Variants in RAB27A observed in about 807,000 individuals in gnomAD.
RAB27A encodes RAB27A, member RAS oncogene family, also known as ras-related protein Rab-27A.
In RAB27A, 17 loss-of-function variants were observed where a neutral mutation model predicts 20.8. The observed-to-expected ratio is 0.82, with a 90% confidence interval of 0.56 to 1.23. The LOEUF (loss-of-function observed/expected upper bound fraction) is 1.23, where lower values mean the gene tolerates loss of function less well. RAB27A is among the 50% of genes most tolerant of loss of function. The pLI is 0.00. For synonymous variants in RAB27A, 85 were observed against 92.8 expected, an observed-to-expected ratio of 0.92 and a Z score of 0.48; for missense variants, 277 against 266.7, an observed-to-expected ratio of 1.04 and a Z score of -0.27.
At chr15:55,274,836 A>G (rs1897817722) in intron 1 of RAB27A, among the ~76,000 whole-genome samples, 1 of 141,670 alleles carries the variant, frequency 7.1e-6, no homozygotes. Context: ...GTATAGAGAG[A>G]GACAGACAAA....
chr15:55,302,499 G>T (rs530732135), intron 2 of RAB27A, among the ~76,000 whole-genome samples: 6 of 151,354 alleles, frequency 4.0e-5, no homozygotes, highest in South Asian at 4.2e-4. Context: ...CCGCCACCCC[G>T]TCTGGGAAGT....
intron 6 of RAB27A, among the ~76,000 whole-genome samples, chr15:55,206,955 T>C (rs1894682191): frequency 6.6e-6 from 1 of 152,120 alleles, no homozygotes; most frequent in Admixed American, 6.5e-5. Context: ...GAAAAAATAA[T>C]TCCTCAAATG....
chr15:55,313,756 G>C (rs1488381891), intron 2 of RAB27A, among the ~76,000 whole-genome samples: 1 of 151,972 alleles, frequency 6.6e-6, no homozygotes, highest in Admixed American at 6.6e-5. Context: ...GGCGGATCAC[G>C]AGGTCAGGAG....
chr15:55,285,221 C>T lies in RAB27A; in HGVS notation c.-143+4495G>A, dbSNP rs537166661. ...CCATCCCCACATTAGAATCAAAACTCTCACTCCACACACGGGAGGTTGGCT... is the reference window on the plus strand; with the variant it reads ...CCATCCCCACATTAGAATCAAAACTTTCACTCCACACACGGGAGGTTGGCT... On this transcript the variant is annotated intron_variant, in intron 1 of 6. Coordinates refer to ENST00000336787, the MANE Select transcript of RAB27A (RefSeq NM_183235.3). Among the ~76,000 whole-genome samples, 68 of 151,696 alleles carry T rather than the reference C, an allele frequency of 4.5e-4. No homozygotes were observed. In the South Asian group the frequency reaches 0.014, roughly 30 times the overall value.
At chr15:55,210,222 T>C (rs1423617980) in intron 6 of RAB27A, among the ~76,000 whole-genome samples, 2 of 150,430 alleles carry the variant, frequency 1.3e-5, no homozygotes, top group African/African-American at 2.4e-5. Flanking sequence ...TATGTGTATG[T>C]ATATATACAC....
intron 6 of RAB27A, among the ~76,000 whole-genome samples, chr15:55,208,552 G>C (rs1317082126): frequency 6.6e-6 from 1 of 152,128 alleles, no homozygotes; most frequent in Admixed American, 6.5e-5. Context: ...CATGACCCCA[G>C]AAGTTAAAAC....
chr15:55,317,542 T>C, intron 1 of RAB27A: 2 of 363,382 alleles, frequency 5.5e-6, no homozygotes, highest in Non-Finnish European at 9.8e-6. Flanking sequence ...CTTGAACTCC[T>C]GACCACCTGA....
chr15:55,210,145 G>A (rs1279978815), intron 6 of RAB27A, among the ~76,000 whole-genome samples: 3 of 81,952 alleles, frequency 3.7e-5, no homozygotes, highest in South Asian at 3.5e-4. Flanking sequence ...ATATATGTAT[G>A]TGTATGTATA....
At chr15:55,240,253 C>T (rs953053532) in intron 2 of RAB27A, among the ~76,000 whole-genome samples, 2 of 152,078 alleles carry the variant, frequency 1.3e-5, no homozygotes, top group African/African-American at 4.8e-5. Context: ...ACAGTGAGAA[C>T]ACACAGTACC....
At chr15:55,299,770 G>A (rs1485753495) in intron 2 of RAB27A, among the ~76,000 whole-genome samples, 1 of 151,844 alleles carries the variant, frequency 6.6e-6, no homozygotes, top group African/African-American at 2.4e-5. Context: ...GGGAGAATTT[G>A]GATGATACAT....
chr15:55,207,057 C>T (rs534607208), intron 6 of RAB27A, among the ~76,000 whole-genome samples: 1 of 152,256 alleles, frequency 6.6e-6, no homozygotes, highest in Non-Finnish European at 1.5e-5. Flanking sequence ...TGTTCAACCT[C>T]ACCCAAAATA....
At chr15:55,276,682 A>C (rs1897882956) in intron 1 of RAB27A, among the ~76,000 whole-genome samples, 1 of 152,220 alleles carries the variant, frequency 6.6e-6, no homozygotes, top group Admixed American at 6.5e-5. Context: ...TCATAGTTAA[A>C]GAGAACAAGT....
chr15:55,230,609 T>G, intron 3 of RAB27A, 123 bp from the exon 4 acceptor site: 2 of 719,318 alleles, frequency 2.8e-6, no homozygotes, highest in Non-Finnish European at 4.9e-6. Flanking sequence ...CCATCTGGAA[T>G]ACAACCATGT....
intron 2 of RAB27A, among the ~76,000 whole-genome samples, chr15:55,246,970 G>A (rs1043167203): frequency 6.6e-6 from 1 of 150,600 alleles, no homozygotes; most frequent in Non-Finnish European, 1.5e-5. Flanking sequence ...TGTACAAACT[G>A]AACAGCAAAA....
chr15:55,205,452 T>C lies in RAB27A; in HGVS notation c.*55A>G, dbSNP rs765332398. 5 of 1,541,966 alleles carry C rather than the reference T, an allele frequency of 3.2e-6. No individual in the cohort carries two copies. Among genetic ancestry groups the C allele is most frequent in the Admixed American group, 1.7e-5 (1 of 59,912 alleles). On this transcript the variant is annotated 3_prime_UTR_variant, in exon 7 of 7. Coordinates refer to ENST00000336787, the MANE Select transcript of RAB27A (RefSeq NM_183235.3). Reference sequence around the variant, plus strand: ...CTCTCACTGTGCCATGTATCAATCATAGAGAAGATCCCAGGCATGGGCCAC... The same window carrying C: ...CTCTCACTGTGCCATGTATCAATCACAGAGAAGATCCCAGGCATGGGCCAC...
At position 55,228,625 on chromosome 15, in the gene RAB27A, A is replaced by T. The variant is rs765096212; in HGVS notation, c.327T>A (p.Asn109Lys). ...FDLTNEQSFL[N>K]VRNWISQLQM... The stretch of plus-strand genomic sequence containing the variant: ...AACACTTACTTATCCAGTTTCTGAC[A>T]TTGAGGAAACTTTGCTCATTTGTCA... The change falls in exon 5 of 7, where the codon AAT becomes AAA. Residue 109 changes from asparagine (N) to lysine (K), a missense_variant. Coordinates refer to ENST00000336787, the MANE Select transcript of RAB27A (RefSeq NM_183235.3). 5 of 1,605,302 alleles carry T rather than the reference A, an allele frequency of 3.1e-6. No individual in the cohort carries two copies. The highest frequency in any genetic ancestry group is 4.3e-6 in the Non-Finnish European group (5 of 1,171,894).
intron 6 of RAB27A, among the ~76,000 whole-genome samples, chr15:55,221,450 C>T (rs558647601): frequency 3.9e-5 from 6 of 152,252 alleles, no homozygotes; most frequent in South Asian, 2.1e-4. Context: ...TTTTCCACTA[C>T]GTTACATGAG....
intron 2 of RAB27A, among the ~76,000 whole-genome samples, chr15:55,307,196 G>A (rs553414835): frequency 7.0e-4 from 106 of 152,046 alleles, no homozygotes; most frequent in African/African-American, 2.4e-3. Flanking sequence ...TCGGGGACAG[G>A]CTCCTTGTAA....
chr15:55,259,340 C>G lies in RAB27A; in HGVS notation c.-23+10825G>C, dbSNP rs185235482. Reference sequence around the variant, plus strand: ...ATGGAGACACGGTCTCACTCCAGTGCAATGGCACAATCATAGCTCACTACA... The same window carrying G: ...ATGGAGACACGGTCTCACTCCAGTGGAATGGCACAATCATAGCTCACTACA... On this transcript the variant is annotated intron_variant, in intron 2 of 6. Coordinates refer to ENST00000336787, the MANE Select transcript of RAB27A (RefSeq NM_183235.3). 1.6e-4 allele frequency among the ~76,000 whole-genome samples: 24 copies of G among 152,066 alleles called. 1 individual carries two copies. In the East Asian group the frequency reaches 4.1e-3, roughly 26 times the overall value.
Sources: allele counts gnomAD v4.1 joint callset (sites outside exome capture counted in the v4.1 genomes callset), GRCh38; gene constraint gnomAD v4.1.1; transcripts MANE v1.5; gene names NCBI Gene and HGNC (gene_info 2026-07-23, HGNC 2026-07-21).